Variants in DOCK8 observed in about 807,000 individuals in gnomAD.
DOCK8 encodes dedicator of cytokinesis 8.
A neutral mutation model predicts 245.6 loss-of-function variants in DOCK8; 141 were observed. The ratio of observed to expected loss-of-function variants is 0.57; its 90% confidence interval spans 0.50 to 0.66. The LOEUF is 0.66. DOCK8 is among the 30% of genes least tolerant of loss of function. DOCK8 has a pLI of 0.00. For synonymous variants in DOCK8, 1,168 were observed against 970.2 expected (o/e 1.20, Z -3.79); for missense variants, 2,965 against 2,603.4 (o/e 1.14, Z -3.02).
At chr9:237,995 TC>T (rs1293360666) in intron 1 of DOCK8, among the ~76,000 whole-genome samples, 6 of 152,288 alleles carry the variant, frequency 3.9e-5, no homozygotes, top group Non-Finnish European at 8.8e-5. Flanking sequence ...GTCCGGCCCC[TC>T]CTCTGTAGAG....
chr9:425,369 A>G (rs1267323906), intron 33 of DOCK8, among the ~76,000 whole-genome samples: 7 of 152,050 alleles, frequency 4.6e-5, no homozygotes, highest in Admixed American at 2.0e-4. Context: ...CGTCTCTACT[A>G]AAAATACAAA....
intron 6 of DOCK8, among the ~76,000 whole-genome samples, chr9:314,006 A>G (rs2130719290): frequency 1.3e-5 from 2 of 152,370 alleles, no homozygotes; most frequent in East Asian, 1.9e-4. Flanking sequence ...CAGATTAAAA[A>G]GCAACAATTA....
At chr9:245,987 A>G (rs1238596216) in intron 1 of DOCK8, among the ~76,000 whole-genome samples, 1 of 152,110 alleles carries the variant, frequency 6.6e-6, no homozygotes, top group Admixed American at 6.5e-5. Flanking sequence ...TGGGAGGCCA[A>G]GGAGGGTGGA....
In DOCK8 at chr9:312,161, G is replaced by A. The variant is rs764975165; in HGVS notation, c.736G>A (p.Asp246Asn). ...AELFALYPSV[D>N]EEDAVEIRPV... ...GCTCTTTGCCCTTTACCCATCAGTG[G>A]ACGAGGTGGGTGCCACTGTTTCCAT... The change falls in exon 6 of 48, where the codon GAC becomes AAC. Residue 246 changes from aspartate to asparagine, a missense_variant. Physicochemically the swap from Asp to Asn is conservative, Grantham distance 23. Around this residue, in one of 3 missense-constraint regions of DOCK8, gnomAD observed 2,825 missense variants for 2,453.5 expected, o/e 1.15. Coordinates refer to ENST00000432829, the MANE Select transcript of DOCK8 (RefSeq NM_203447.4). The A allele has an allele frequency of 2.5e-6, 4 of 1,614,136 alleles. No homozygotes were observed. The highest frequency in any genetic ancestry group is 3.4e-6 in the Non-Finnish European group (4 of 1,179,974).
chr9:384,109 GAC>G (rs2053844273), intron 22 of DOCK8, among the ~76,000 whole-genome samples: 1 of 142,830 alleles, frequency 7.0e-6, no homozygotes, highest in African/African-American at 3.1e-5. Flanking sequence ...CAATTTCTTA[GAC>G]TTTCTTTGTT....
intron 1 of DOCK8, among the ~76,000 whole-genome samples, chr9:256,716 G>C (rs1187791478): frequency 6.6e-6 from 1 of 152,122 alleles, no homozygotes; most frequent in Non-Finnish European, 1.5e-5. Context: ...AACACCCTGA[G>C]CTGAAAGGAT....
At chr9:430,343 C>T (rs1218629468) in intron 36 of DOCK8, among the ~76,000 whole-genome samples, 1 of 151,998 alleles carries the variant, frequency 6.6e-6, no homozygotes, top group Non-Finnish European at 1.5e-5. Context: ...CATTTCACTC[C>T]AGCCTGGACA....
chr9:239,160 G>A (rs566614180), intron 1 of DOCK8, among the ~76,000 whole-genome samples: 3 of 152,204 alleles, frequency 2.0e-5, no homozygotes, highest in African/African-American at 7.2e-5. Flanking sequence ...ATAACCTGCT[G>A]TATTTAGAGT....
At chr9:366,216 C>T (rs16935330) in intron 14 of DOCK8, 18,229 of 153,428 alleles carry the variant, frequency 0.12, 2,502 homozygotes, top group African/African-American at 0.34. Flanking sequence ...CTCACTGATA[C>T]TTGAAGCTCA....
intron 1 of DOCK8, among the ~76,000 whole-genome samples, chr9:219,956 A>C (rs918971510): frequency 2.6e-5 from 4 of 152,222 alleles, no homozygotes; most frequent in Non-Finnish European, 4.4e-5. Context: ...AATGAGCTAC[A>C]GAGAGCTTTC....
chr9:362,116 G>T (rs985471368), intron 14 of DOCK8, among the ~76,000 whole-genome samples: 1 of 152,146 alleles, frequency 6.6e-6, no homozygotes, highest in South Asian at 2.1e-4. Context: ...TTGGGATTCT[G>T]TCTTTATCAC....
chr9:383,442 G>T (rs1271438315), intron 22 of DOCK8, among the ~76,000 whole-genome samples: 1 of 152,186 alleles, frequency 6.6e-6, no homozygotes, highest in Admixed American at 6.5e-5. Flanking sequence ...TGAGGCAGGA[G>T]AATCGCTTCA....
chr9:394,601 A>G (rs1291838086), intron 24 of DOCK8, among the ~76,000 whole-genome samples: 4 of 152,230 alleles, frequency 2.6e-5, no homozygotes, highest in Non-Finnish European at 4.4e-5. Context: ...ACACTTGCTA[A>G]TGAATAAAAT....
intron 1 of DOCK8, among the ~76,000 whole-genome samples, chr9:246,046 C>G (rs1486907308): frequency 6.6e-6 from 1 of 152,140 alleles, no homozygotes; most frequent in Non-Finnish European, 1.5e-5. Context: ...ATGGTGAAAC[C>G]TAGTCTCTAC....
intron 40 of DOCK8, among the ~76,000 whole-genome samples, chr9:439,895 G>A (rs868447366): frequency 6.6e-6 from 1 of 152,176 alleles, no homozygotes; most frequent in Non-Finnish European, 1.5e-5. Context: ...TGTGGGCACA[G>A]AAACCACTGA....
At chr9:419,097 C>G (rs2056164085) in intron 30 of DOCK8, among the ~76,000 whole-genome samples, 1 of 152,200 alleles carries the variant, frequency 6.6e-6, no homozygotes, top group African/African-American at 2.4e-5. Flanking sequence ...TGAGCTCTGA[C>G]TATCCCTTGT....
intron 2 of DOCK8, among the ~76,000 whole-genome samples, chr9:282,927 A>G (rs944358115): frequency 7.9e-5 from 12 of 152,156 alleles, no homozygotes; most frequent in Non-Finnish European, 1.5e-4. Flanking sequence ...ATAAGTTTAC[A>G]TTTATTATCA....
At chr9:445,496 A>G (rs565729907) in intron 43 of DOCK8, among the ~76,000 whole-genome samples, 2 of 152,272 alleles carry the variant, frequency 1.3e-5, no homozygotes, top group African/African-American at 4.8e-5. Flanking sequence ...GTGTGTTTAA[A>G]TGAGGCCTAG....
chr9:423,262 G>C (rs1156707511), intron 33 of DOCK8, among the ~76,000 whole-genome samples: 1 of 152,154 alleles, frequency 6.6e-6, no homozygotes, highest in Non-Finnish European at 1.5e-5. Flanking sequence ...TAGATATATT[G>C]ACGTGTATTG....
Sources: allele counts gnomAD v4.1 joint callset (sites outside exome capture counted in the v4.1 genomes callset), GRCh38; gene constraint gnomAD v4.1.1; regional missense constraint gnomAD v4.1.1; transcripts MANE v1.5; gene names NCBI Gene and HGNC (gene_info 2026-07-23, HGNC 2026-07-21).